Variants in ZBTB7C observed in about 807,000 individuals in gnomAD.
The protein encoded by ZBTB7C is zinc finger and BTB domain-containing protein 7C.
A neutral mutation model predicts 25.7 loss-of-function variants in ZBTB7C; 8 were observed. The observed-to-expected ratio is 0.31, with a 90% CI of 0.18 to 0.56. ZBTB7C has a LOEUF of 0.56. ZBTB7C is among the 20% of genes least tolerant of loss of function. The probability of loss-of-function intolerance (pLI) is 0.91; values close to 1 mark genes in which losing one functional copy is unlikely to be tolerated. For synonymous variants in ZBTB7C, 394 were observed against 369.0 expected (o/e 1.07, Z -0.78); for missense variants, 824 against 855.2 (o/e 0.96, Z 0.46).
intron 1 of ZBTB7C, among the ~76,000 whole-genome samples, chr18:48,363,841 C>A (rs1325386518): frequency 1.3e-5 from 2 of 151,960 alleles, no homozygotes; most frequent in African/African-American, 2.4e-5. Flanking sequence ...AACATCCCAC[C>A]CCTCAATCTT....
intron 3 of ZBTB7C, among the ~76,000 whole-genome samples, chr18:48,086,230 C>T (rs1374867708): frequency 6.6e-6 from 1 of 152,172 alleles, no homozygotes; most frequent in Non-Finnish European, 1.5e-5. Flanking sequence ...CTGTACAGAT[C>T]CAAGAGTATG....
At chr18:48,378,518 A>G (rs1437976125) in intron 1 of ZBTB7C, among the ~76,000 whole-genome samples, 3 of 152,150 alleles carry the variant, frequency 2.0e-5, no homozygotes, top group Non-Finnish European at 4.4e-5. Context: ...AAAAGGCCCA[A>G]CCAGATGGTT....
At chr18:48,172,162 G>T (rs1204769145) in intron 3 of ZBTB7C, among the ~76,000 whole-genome samples, 1 of 152,214 alleles carries the variant, frequency 6.6e-6, no homozygotes. Flanking sequence ...TTTGAGAAAG[G>T]TATCTGGGAA....
intron 2 of ZBTB7C, among the ~76,000 whole-genome samples, chr18:48,325,126 T>C (rs2046188930): frequency 6.6e-6 from 1 of 152,176 alleles, no homozygotes; most frequent in South Asian, 2.1e-4. Flanking sequence ...ACTGATTAAT[T>C]GATAAGTGAT....
At chr18:48,259,784 G>A (rs2044118906) in intron 2 of ZBTB7C, among the ~76,000 whole-genome samples, 1 of 152,086 alleles carries the variant, frequency 6.6e-6, no homozygotes, top group African/African-American at 2.4e-5. Flanking sequence ...TAGTTATAAG[G>A]GACATGAAAA....
chr18:48,399,888 C>A (rs1440113204), intron 1 of ZBTB7C, among the ~76,000 whole-genome samples: 1 of 152,164 alleles, frequency 6.6e-6, no homozygotes, highest in East Asian at 1.9e-4. Context: ...CCCAAACACA[C>A]CTGCTGCTTT....
chr18:48,386,113 T>C (rs1419968462), intron 1 of ZBTB7C, among the ~76,000 whole-genome samples: 1 of 152,218 alleles, frequency 6.6e-6, no homozygotes, highest in African/African-American at 2.4e-5. Flanking sequence ...TAGGCTGCTC[T>C]CTTTGGTTAG....
At chr18:48,375,518 G>T (rs1259486147) in intron 1 of ZBTB7C, 1 of 152,244 alleles carries the variant, frequency 6.6e-6, no homozygotes, top group Non-Finnish European at 1.5e-5. Context: ...TCGGAAGGTT[G>T]CCATGACCAC....
At chr18:48,136,162 G>A (rs1447161833) in intron 3 of ZBTB7C, among the ~76,000 whole-genome samples, 2 of 152,126 alleles carry the variant, frequency 1.3e-5, no homozygotes, top group African/African-American at 4.8e-5. Context: ...CGGCCGCTGC[G>A]CCCGCCTGCA....
At chr18:48,246,660 G>T (rs1376907950) in intron 2 of ZBTB7C, among the ~76,000 whole-genome samples, 1 of 151,926 alleles carries the variant, frequency 6.6e-6, no homozygotes, top group South Asian at 2.1e-4. Flanking sequence ...TAAATTATAG[G>T]CATATCCTGT....
chr18:48,257,609 A>G (rs563283859), intron 2 of ZBTB7C, among the ~76,000 whole-genome samples: 1 of 152,276 alleles, frequency 6.6e-6, no homozygotes, highest in East Asian at 1.9e-4. Flanking sequence ...AAGAAAAGAA[A>G]ACTACAGACT....
At chr18:48,255,066 T>C (rs2043983800) in intron 2 of ZBTB7C, among the ~76,000 whole-genome samples, 1 of 152,188 alleles carries the variant, frequency 6.6e-6, no homozygotes, top group Non-Finnish European at 1.5e-5. Flanking sequence ...GGTCAAACTT[T>C]TTCAAATATC....
chr18:48,126,892 A>G (rs2039819451), intron 3 of ZBTB7C, among the ~76,000 whole-genome samples: 1 of 152,122 alleles, frequency 6.6e-6, no homozygotes, highest in Non-Finnish European at 1.5e-5. Flanking sequence ...CTGCAGCCTT[A>G]GGGCAGGGAA....
At chr18:48,138,873 T>C (rs1377036271) in intron 3 of ZBTB7C, among the ~76,000 whole-genome samples, 1 of 152,190 alleles carries the variant, frequency 6.6e-6, no homozygotes, top group African/African-American at 2.4e-5. Flanking sequence ...TCAGTATGAA[T>C]CCAGAAGTGT....
rs367884564 is a variant in ZBTB7C at position 48,115,576 on chromosome 18, C to A, written c.-17+70358G>T. On this transcript the variant is annotated intron_variant, in intron 3 of 4. Coordinates refer to ENST00000590800, the MANE Select transcript of ZBTB7C (RefSeq NM_001318841.2). ...TTACACACACACACACAAACACACA[C>A]ACACACACCTGCATCTTGCTTATTG... Among the ~76,000 whole-genome samples the A allele has an allele frequency of 6.6e-5, 10 of 152,300 alleles. No individual in the cohort carries two copies. In the East Asian group the frequency reaches 1.7e-3, roughly 26 times the overall value.
intron 2 of ZBTB7C, among the ~76,000 whole-genome samples, chr18:48,270,101 T>C (rs960370506): frequency 6.6e-6 from 1 of 151,902 alleles, no homozygotes; most frequent in Non-Finnish European, 1.5e-5. Flanking sequence ...AAGGAATAAA[T>C]ATAAATCAGT....
chr18:48,293,591 G>A (rs1325721282), intron 2 of ZBTB7C, among the ~76,000 whole-genome samples: 4 of 152,114 alleles, frequency 2.6e-5, no homozygotes, highest in Non-Finnish European at 5.9e-5. Flanking sequence ...AAATAGGCGC[G>A]ATGGTAATTA....
At chr18:48,100,514 G>A (rs1216834696) in intron 3 of ZBTB7C, among the ~76,000 whole-genome samples, 7 of 152,110 alleles carry the variant, frequency 4.6e-5, no homozygotes. Context: ...ATCACAGACT[G>A]TATCGCCGAG....
chr18:48,284,705 T>G (rs1247903751), intron 2 of ZBTB7C, among the ~76,000 whole-genome samples: 1 of 148,104 alleles, frequency 6.8e-6, no homozygotes, highest in East Asian at 2.0e-4. Flanking sequence ...GCACGAGAAT[T>G]GCTTGAACCC....
Sources: allele counts gnomAD v4.1 joint callset (sites outside exome capture counted in the v4.1 genomes callset), GRCh38; gene constraint gnomAD v4.1.1; transcripts MANE v1.5; gene names NCBI Gene and HGNC (gene_info 2026-07-23, HGNC 2026-07-21).